Variants in TNIK observed in about 807,000 individuals in gnomAD.
TNIK encodes the protein TRAF2 and NCK-interacting protein kinase.
TNIK carries 49 observed loss-of-function variants against 191.3 expected under a neutral mutation model. The observed-to-expected ratio is 0.26, with a 90% confidence interval of 0.20 to 0.32. The LOEUF (loss-of-function observed/expected upper bound fraction) is 0.32. Ranked by LOEUF, TNIK falls within the 10% of genes least tolerant of loss-of-function variation. The probability of loss-of-function intolerance (pLI) is 1.00; values close to 1 mark genes in which losing one functional copy is unlikely to be tolerated. For synonymous variants in TNIK, 594 were observed against 600.9 expected (o/e 0.99, Z 0.17); for missense variants, 1,155 against 1,702.3 (o/e 0.68, Z 5.66).
chr3:171,361,949 CAAGTT>C lies in TNIK; in HGVS notation c.123+7666_123+7670del, dbSNP rs1432043174. 2.6e-5 allele frequency among the ~76,000 whole-genome samples: 4 copies of C among 152,196 alleles called. No individual in the cohort carries two copies. The South Asian group carries it at 8.3e-4, about 32-fold the overall frequency. On this transcript the variant is annotated intron_variant, in intron 2 of 32. Transcript: ENST00000436636. Reference sequence around the variant, plus strand: ...ATCTATGGCAAGCTCAAAGCTAAGGCAAGTTAAGGGTAGAACCAAAACCATACAAC... The same window carrying C: ...ATCTATGGCAAGCTCAAAGCTAAGGCAAGGGTAGAACCAAAACCATACAAC...
At chr3:171,429,236 C>T (rs180901420) in intron 1 of TNIK, among the ~76,000 whole-genome samples, 1 of 152,174 alleles carries the variant, frequency 6.6e-6, no homozygotes, top group Non-Finnish European at 1.5e-5. Context: ...GTATCATGAT[C>T]CCCAAATAAG....
intron 2 of TNIK, among the ~76,000 whole-genome samples, chr3:171,292,886 G>A (rs116092582): frequency 0.019 from 2,921 of 150,572 alleles, 96 homozygotes; most frequent in African/African-American, 0.068. Context: ...CCTCTCACTC[G>A]CCAATGGCCA....
intron 20 of TNIK, 129 bp from the exon 21 acceptor site, chr3:171,107,335 G>A: frequency 1.3e-6 from 1 of 780,524 alleles, no homozygotes; most frequent in African/African-American, 1.8e-5. Flanking sequence ...CGAAGAGAAT[G>A]TCAATCCAGA....
intron 3 of TNIK, among the ~76,000 whole-genome samples, chr3:171,212,423 T>C (rs1255165430): frequency 6.6e-6 from 1 of 152,168 alleles, no homozygotes; most frequent in African/African-American, 2.4e-5. Context: ...CTGTATTTGT[T>C]GACATTGGTA....
At chr3:171,408,390 G>T (rs1382358586) in intron 1 of TNIK, among the ~76,000 whole-genome samples, 1 of 152,174 alleles carries the variant, frequency 6.6e-6, no homozygotes, top group Non-Finnish European at 1.5e-5. Flanking sequence ...GCCATGAAGG[G>T]AAGCTGCAAC....
chr3:171,313,468 A>G (rs16856155), intron 2 of TNIK, among the ~76,000 whole-genome samples: 4,613 of 152,194 alleles, frequency 0.03, 198 homozygotes, highest in African/African-American at 0.1. Flanking sequence ...CTGTTTTCCT[A>G]TCATTTGTAG....
At chr3:171,248,249 A>G (rs1388844568) in intron 2 of TNIK, among the ~76,000 whole-genome samples, 3 of 152,188 alleles carry the variant, frequency 2.0e-5, no homozygotes, top group Non-Finnish European at 4.4e-5. Context: ...AGGCAGGGGC[A>G]GCGGAAGGGA....
intron 22 of TNIK, among the ~76,000 whole-genome samples, chr3:171,094,760 C>T (rs552759715): frequency 6.6e-6 from 1 of 152,196 alleles, no homozygotes; most frequent in Non-Finnish European, 1.5e-5. Flanking sequence ...GCTCTTATCA[C>T]CTATGTCTTG....
rs571738746 is a variant in TNIK, at chr3:171,177,629, G to A, written c.640-249C>T. 2.0e-4 allele frequency among the ~76,000 whole-genome samples: 30 copies of A among 152,218 alleles called. 1 individual carries two copies. Among genetic ancestry groups the A allele is most frequent in the Admixed American group, 1.0e-3 (16 of 15,298 alleles). On this transcript the variant is annotated intron_variant, in intron 7 of 32. Transcript: ENST00000436636. ...AATATAAACAATTTTAAATTAATTC[G>A]TTACTGAAACTTATCTGTGGGTTGA...
chr3:171,096,560 T>G (rs1296902917), intron 22 of TNIK, among the ~76,000 whole-genome samples: 10 of 152,176 alleles, frequency 6.6e-5, no homozygotes, highest in Admixed American at 6.5e-4. Context: ...TACATTATGC[T>G]AGAAAATCCC....
chr3:171,064,100 A>G (rs1259916432), intron 32 of TNIK, 136 bp from the exon 33 acceptor site: 1 of 750,782 alleles, frequency 1.3e-6, no homozygotes, highest in African/African-American at 1.8e-5. Context: ...TTGTGTTTAT[A>G]AAGTCCCTTT....
At chr3:171,181,607 A>C (rs773376077) in intron 7 of TNIK, among the ~76,000 whole-genome samples, 1 of 152,222 alleles carries the variant, frequency 6.6e-6, no homozygotes, top group Non-Finnish European at 1.5e-5. Flanking sequence ...TTCCTGAAAT[A>C]AGGGACAAAT....
chr3:171,155,127 G>C (rs139673529), intron 12 of TNIK, among the ~76,000 whole-genome samples: 75 of 152,300 alleles, frequency 4.9e-4, no homozygotes, highest in African/African-American at 1.8e-3. Flanking sequence ...TCCTACAAAA[G>C]GAAAAATGAC....
intron 4 of TNIK, among the ~76,000 whole-genome samples, chr3:171,199,368 A>T (rs559603943): frequency 7.4e-4 from 113 of 152,334 alleles, no homozygotes; most frequent in Non-Finnish European, 1.2e-3. Flanking sequence ...CAAGCTCAGC[A>T]GTGATAAGTC....
chr3:171,146,792 A>T (rs1404741607), intron 12 of TNIK, among the ~76,000 whole-genome samples: 1 of 150,800 alleles, frequency 6.6e-6, no homozygotes, highest in Non-Finnish European at 1.5e-5. Context: ...CAGGAGGCTG[A>T]GGCAGGAGAA....
At chr3:171,426,510 A>T (rs902035239) in intron 1 of TNIK, among the ~76,000 whole-genome samples, 5 of 152,078 alleles carry the variant, frequency 3.3e-5, no homozygotes, top group African/African-American at 7.2e-5. Context: ...CATATGTAAC[A>T]AACCTGCACG....
intron 12 of TNIK, among the ~76,000 whole-genome samples, chr3:171,144,017 A>ATCAAATAGCATTCCTAGATCTTAT (rs1425109971): frequency 6.6e-6 from 1 of 152,204 alleles, no homozygotes; most frequent in Non-Finnish European, 1.5e-5. Context: ...AAAGGGGAGA[A>ATCAAATAGCATTCCTAGATCTTAT]TCAAATAGCA....
At chr3:171,346,389 G>C (rs1219851300) in intron 2 of TNIK, among the ~76,000 whole-genome samples, 1 of 152,068 alleles carries the variant, frequency 6.6e-6, no homozygotes, top group Non-Finnish European at 1.5e-5. Flanking sequence ...GGATATGTAA[G>C]TATGATTCCT....
intron 1 of TNIK, among the ~76,000 whole-genome samples, chr3:171,410,633 G>A (rs1403157457): frequency 6.6e-6 from 1 of 151,936 alleles, no homozygotes; most frequent in African/African-American, 2.4e-5. Flanking sequence ...CAAAAAATTG[G>A]CCAGGCGTGG....
Sources: allele counts gnomAD v4.1 joint callset (sites outside exome capture counted in the v4.1 genomes callset), GRCh38; gene constraint gnomAD v4.1.1; transcripts MANE v1.5; gene names NCBI Gene and HGNC (gene_info 2026-07-23, HGNC 2026-07-21).